Variants in USH2A observed in about 807,000 individuals in gnomAD.
USH2A encodes the protein usherin.
USH2A carries 443 observed loss-of-function variants against 538.9 expected under a neutral mutation model. The ratio of observed to expected loss-of-function variants is 0.82; its 90% confidence interval spans 0.76 to 0.89. USH2A has a LOEUF of 0.89. Among genes scored for constraint, USH2A ranks in the 40% least tolerant of loss-of-function variants. The probability of loss-of-function intolerance (pLI) is 0.00; values close to 1 mark genes in which losing one functional copy is unlikely to be tolerated. For synonymous variants in USH2A, 2,413 were observed against 2,273.5 expected (o/e 1.06, Z -1.75); for missense variants, 6,633 against 6,324.8 (o/e 1.05, Z -1.65).
intron 44 of USH2A, among the ~76,000 whole-genome samples, chr1:215,854,571 A>C (rs1664106544): frequency 6.6e-6 from 1 of 152,204 alleles, no homozygotes; most frequent in Admixed American, 6.6e-5. Flanking sequence ...GAGGTTTAAT[A>C]GGCAAAAGAA....
intron 38 of USH2A, among the ~76,000 whole-genome samples, chr1:215,928,103 A>G (rs1259888274): frequency 6.6e-6 from 1 of 152,082 alleles, no homozygotes; most frequent in African/African-American, 2.4e-5. Context: ...AAATATTCAA[A>G]TTACACACAG....
intron 16 of USH2A, among the ~76,000 whole-genome samples, chr1:216,202,790 A>C (rs1319258391): frequency 2.6e-5 from 4 of 152,180 alleles, no homozygotes; most frequent in Non-Finnish European, 5.9e-5. Context: ...GTATCTGGCT[A>C]ATTCAGCTTA....
chr1:216,414,539 G>A lies in USH2A; in HGVS notation c.651+3975C>T, dbSNP rs558769571. On this transcript the variant is annotated intron_variant, in intron 3 of 71. Transcript: ENST00000307340. Reference sequence around the variant, plus strand: ...TTTTTTTTCTGATTTTGGTAAATTAGAATTCTGATTTTACTGATGGAAAGC... The same window carrying A: ...TTTTTTTTCTGATTTTGGTAAATTAAAATTCTGATTTTACTGATGGAAAGC... 2.6e-5 allele frequency among the ~76,000 whole-genome samples: 4 copies of A among 151,878 alleles called. No homozygotes were observed. The South Asian group carries it at 8.3e-4, about 32-fold the overall frequency.
intron 21 of USH2A, among the ~76,000 whole-genome samples, chr1:216,153,035 C>G (rs955689194): frequency 6.6e-6 from 1 of 152,124 alleles, no homozygotes; most frequent in Non-Finnish European, 1.5e-5. Context: ...GATTGGCCGC[C>G]GGATGCCCAA....
rs540122786 is a variant in USH2A, at chr1:216,135,486, C to G, written c.4628-38273G>C. Among the ~76,000 whole-genome samples the G allele has an allele frequency of 3.7e-3, 568 of 152,106 alleles. 2 individuals are homozygous for G. Among genetic ancestry groups the G allele is most frequent in the Middle Eastern group, 0.017 (5 of 294 alleles). On this transcript the variant is annotated intron_variant, in intron 21 of 71. Transcript: ENST00000307340. Reference sequence around the variant, plus strand: ...TTTCACTCTTATAGTGATTTCCAATCTCAATTACAATAAACTCAGTTGACT... The same window carrying G: ...TTTCACTCTTATAGTGATTTCCAATGTCAATTACAATAAACTCAGTTGACT...
At position 215,743,338 on chromosome 1, in the gene USH2A, T is replaced by G. The variant is rs1379405755; in HGVS notation, c.11390-3A>C. ...AGGAATTTCGGGGATGAGGATCCCT[T>G]TAAAGAGAGAGAGAGAGAGAGAACA... On this transcript the variant is annotated splice_region_variant and splice_polypyrimidine_tract_variant and intron_variant, in intron 58 of 71. Coordinates refer to ENST00000307340, the MANE Select transcript of USH2A (RefSeq NM_206933.4). The G allele has an allele frequency of 2.8e-5, 44 of 1,576,508 alleles. No individual in the cohort carries two copies. Among genetic ancestry groups the G allele is most frequent in the Non-Finnish European group, 3.6e-5 (42 of 1,160,314 alleles).
chr1:216,013,181 A>G (rs981417170), intron 32 of USH2A, among the ~76,000 whole-genome samples: 2 of 152,154 alleles, frequency 1.3e-5, no homozygotes, highest in Middle Eastern at 3.4e-3. Context: ...TATTCCATTT[A>G]GTTTTTAATT....
intron 60 of USH2A, among the ~76,000 whole-genome samples, chr1:215,738,705 A>G (rs1159224455): frequency 6.6e-6 from 1 of 152,128 alleles, no homozygotes; most frequent in Non-Finnish European, 1.5e-5. Context: ...TTCAAATGAG[A>G]TTTACAAGTG....
At chr1:216,271,528 G>T (rs886926874) in intron 11 of USH2A, among the ~76,000 whole-genome samples, 1 of 151,616 alleles carries the variant, frequency 6.6e-6, no homozygotes, top group African/African-American at 2.4e-5. Flanking sequence ...TTTTCATTTT[G>T]TCCTACTTTA....
chr1:216,180,560 G>T (rs2034473440), intron 20 of USH2A, among the ~76,000 whole-genome samples: 2 of 151,986 alleles, frequency 1.3e-5, no homozygotes, highest in Admixed American at 1.3e-4. Flanking sequence ...AGAACTAAAA[G>T]CTGAACAAAG....
At chr1:215,958,193 C>A (rs909452974) in intron 37 of USH2A, among the ~76,000 whole-genome samples, 5 of 152,028 alleles carry the variant, frequency 3.3e-5, no homozygotes, top group African/African-American at 1.2e-4. Context: ...AGAAAAGCAC[C>A]CAGAGAACCA....
intron 44 of USH2A, among the ~76,000 whole-genome samples, chr1:215,861,926 G>T (rs566136624): frequency 4.5e-5 from 6 of 133,552 alleles, no homozygotes; most frequent in African/African-American, 1.4e-4. Context: ...TGCAACCTCC[G>T]CCTCCCGGGT....
intron 70 of USH2A, 120 bp from the exon 71 acceptor site, chr1:215,629,155 ATT>A (rs1341867461): frequency 1.4e-5 from 15 of 1,075,956 alleles, no homozygotes; most frequent in Middle Eastern, 2.9e-4. Context: ...CAATTGTCAC[ATT>A]GTCAATGAAG....
At chr1:216,259,539 C>T (rs1253881603) in intron 11 of USH2A, among the ~76,000 whole-genome samples, 3 of 151,994 alleles carry the variant, frequency 2.0e-5, no homozygotes, top group Non-Finnish European at 4.4e-5. Flanking sequence ...GTATATTGTA[C>T]ACATTCTGCT....
rs529225570 is a variant in USH2A, at chr1:216,284,236, TC to T, written c.1971+5043del. Among the ~76,000 whole-genome samples the T allele has an allele frequency of 2.2e-3, 338 of 152,232 alleles. 1 individual carries two copies. Among genetic ancestry groups the T allele is most frequent in the African/African-American group, 5.9e-3 (244 of 41,556 alleles). Reference sequence around the variant, plus strand: ...TGTTCGCTGTGTCCCCACCCAAATCTCATCTTGAATTGTAGTTCCCATAATC... The same window carrying T: ...TGTTCGCTGTGTCCCCACCCAAATCTATCTTGAATTGTAGTTCCCATAATC... On this transcript the variant is annotated intron_variant, in intron 11 of 71. Transcript: ENST00000307340.
At chr1:216,142,567 T>C (rs2033622459) in intron 21 of USH2A, among the ~76,000 whole-genome samples, 1 of 152,010 alleles carries the variant, frequency 6.6e-6, no homozygotes, top group African/African-American at 2.4e-5. Flanking sequence ...AGTGTGGGGG[T>C]TCGAAGCAAC....
At chr1:215,657,346 T>C (rs73087467) in intron 64 of USH2A, among the ~76,000 whole-genome samples, 6,042 of 152,332 alleles carry the variant, frequency 0.04, 322 homozygotes, top group African/African-American at 0.12. Flanking sequence ...TCTTCTTTGC[T>C]GGAATCGCGG....
chr1:215,735,259 C>A (rs555399743), intron 60 of USH2A, among the ~76,000 whole-genome samples: 1 of 152,264 alleles, frequency 6.6e-6, no homozygotes, highest in East Asian at 1.9e-4. Context: ...CCCCTTTGTT[C>A]CCTCAGTTCT....
chr1:215,682,692 G>A (rs1384253370), intron 61 of USH2A, among the ~76,000 whole-genome samples: 2 of 151,620 alleles, frequency 1.3e-5, no homozygotes, highest in Non-Finnish European at 2.9e-5. Flanking sequence ...AAATTTTTAG[G>A]GGTATACTCC....
Sources: gnomAD v4.1 joint callset for allele counts (sites outside exome capture counted in the v4.1 genomes callset) on GRCh38, gnomAD v4.1.1 for gene constraint, MANE v1.5 for transcripts, NCBI Gene and HGNC (gene_info 2026-07-23, HGNC 2026-07-21) for gene names.